Variants in PALLD observed in about 807,000 individuals in gnomAD.
PALLD encodes the protein palladin.
Under a neutral mutation model 123.5 loss-of-function variants are expected in PALLD, and 61 were observed. That is an observed-to-expected ratio of 0.49 (90% CI 0.40 to 0.61). The LOEUF is 0.61. Ranked by LOEUF, PALLD falls within the 20% of genes least tolerant of loss-of-function variation. The probability of loss-of-function intolerance (pLI) is 0.00; values close to 1 mark genes in which losing one functional copy is unlikely to be tolerated. For synonymous variants in PALLD, 465 were observed against 496.4 expected (o/e 0.94, Z 0.84); for missense variants, 1,273 against 1,377.0 (o/e 0.92, Z 1.20).
At chr4:168,882,894 A>T (rs1180253809) in intron 10 of PALLD, among the ~76,000 whole-genome samples, 3 of 152,164 alleles carry the variant, frequency 2.0e-5, no homozygotes, top group Non-Finnish European at 4.4e-5. Flanking sequence ...GATCGAGATC[A>T]TCCTGGCCAA....
chr4:168,500,547 T>TC (rs919907939), intron 1 of PALLD, among the ~76,000 whole-genome samples: 1 of 152,024 alleles, frequency 6.6e-6, no homozygotes, highest in Admixed American at 6.5e-5. Flanking sequence ...GGGTTTTTTT[T>TC]TGTATTTTTG....
chr4:168,562,887 A>AGC (rs2149581937), intron 2 of PALLD, among the ~76,000 whole-genome samples: 1 of 152,356 alleles, frequency 6.6e-6, no homozygotes, highest in African/African-American at 2.4e-5. Context: ...AGATGCCTGC[A>AGC]GCTCCATCGT....
At chr4:168,687,309 A>G (rs1391794516) in intron 6 of PALLD, among the ~76,000 whole-genome samples, 1 of 152,228 alleles carries the variant, frequency 6.6e-6, no homozygotes, top group Non-Finnish European at 1.5e-5. Context: ...TAGCTAGACT[A>G]CTAAAAAAGA....
Position 168,681,410 on chromosome 4 carries a change from C to T in PALLD, c.1154+12C>T. 6.5e-7 allele frequency: 1 copy of T among 1,532,800 alleles called. No homozygotes were observed. Among genetic ancestry groups the T allele is most frequent in the South Asian group, 1.1e-5 (1 of 89,518 alleles). 94.9% of individuals were successfully genotyped at this position (1,532,800 alleles called of 1,614,324 possible). Reference sequence around the variant, plus strand: ...GGAGCTATGCCACAGTAAGTGCCTACAATTCCATCGATTATGTGGAAACAA... The same window carrying T: ...GGAGCTATGCCACAGTAAGTGCCTATAATTCCATCGATTATGTGGAAACAA... On this transcript the variant is annotated intron_variant, in intron 4 of 21. Coordinates refer to ENST00000505667, the MANE Select transcript of PALLD (RefSeq NM_001166108.2).
At chr4:168,654,607 A>C (rs962247386) in intron 2 of PALLD, 2 of 152,244 alleles carry the variant, frequency 1.3e-5, no homozygotes, top group African/African-American at 4.8e-5. Flanking sequence ...ATTTGCTGTG[A>C]AAAACCAACT....
chr4:168,851,877 T>G (rs1172982995), intron 10 of PALLD, among the ~76,000 whole-genome samples: 3 of 152,194 alleles, frequency 2.0e-5, no homozygotes, highest in Non-Finnish European at 2.9e-5. Context: ...GGAAATGTGC[T>G]GCGATTTTCT....
intron 21 of PALLD, 84 bp downstream of exon 21, chr4:168,925,362 T>G: frequency 9.8e-7 from 1 of 1,016,300 alleles, no homozygotes; most frequent in South Asian, 1.3e-5. Context: ...GCTTCCTTAC[T>G]CAAGCATCCT....
Position 168,903,738 on chromosome 4 carries a change from T to A in PALLD, c.2473-19T>A. On this transcript the variant is annotated intron_variant, in intron 14 of 21. Transcript: ENST00000505667. ...GAATACACAAACTCCTAATCTTTAATCTTTGTTTCTATTCACAGATCTATT... is the reference window on the plus strand; with the variant it reads ...GAATACACAAACTCCTAATCTTTAAACTTTGTTTCTATTCACAGATCTATT... The A allele has an allele frequency of 6.2e-7, 1 of 1,600,556 alleles. No homozygotes were observed. The highest frequency in any genetic ancestry group is 8.6e-7 in the Non-Finnish European group (1 of 1,168,064).
At chr4:168,740,684 C>T (rs1561468555) in intron 10 of PALLD, among the ~76,000 whole-genome samples, 1 of 152,054 alleles carries the variant, frequency 6.6e-6, no homozygotes, top group Non-Finnish European at 1.5e-5. Context: ...TAAAAGAGTT[C>T]AAGAGTTTAA....
intron 17 of PALLD, among the ~76,000 whole-genome samples, chr4:168,916,749 C>T (rs1760200944): frequency 6.8e-6 from 1 of 147,314 alleles, no homozygotes; most frequent in Non-Finnish European, 1.5e-5. Context: ...GGTGCAATCT[C>T]GGCTCGCTGC....
At chr4:168,704,459 G>C (rs1455452334) in intron 8 of PALLD, among the ~76,000 whole-genome samples, 1 of 151,986 alleles carries the variant, frequency 6.6e-6, no homozygotes, top group Non-Finnish European at 1.5e-5. Context: ...ATCACGAGGT[G>C]AGGAGATCCA....
chr4:168,753,453 C>T (rs765869213), intron 10 of PALLD, among the ~76,000 whole-genome samples: 2 of 151,842 alleles, frequency 1.3e-5, no homozygotes, highest in Non-Finnish European at 2.9e-5. Flanking sequence ...AGAATGAACC[C>T]ATACCAACTC....
At chr4:168,891,156 C>A in intron 11 of PALLD, 99 bp downstream of exon 11, 1 of 1,140,062 alleles carries the variant, frequency 8.8e-7, no homozygotes, top group Non-Finnish European at 1.3e-6. Context: ...TCCACAACAT[C>A]ATCATTATTA....
intron 6 of PALLD, among the ~76,000 whole-genome samples, chr4:168,689,921 A>G (rs539346254): frequency 2.6e-5 from 4 of 152,324 alleles, no homozygotes; most frequent in Admixed American, 2.6e-4. Flanking sequence ...TATAAAACCA[A>G]ATTAATTTCT....
chr4:168,803,113 A>G (rs1391700746), intron 10 of PALLD, among the ~76,000 whole-genome samples: 3 of 152,228 alleles, frequency 2.0e-5, no homozygotes, highest in Non-Finnish European at 4.4e-5. Context: ...ACACTGCTAT[A>G]AAGAACTACC....
intron 10 of PALLD, among the ~76,000 whole-genome samples, chr4:168,792,233 C>A (rs1231726861): frequency 3.3e-5 from 5 of 152,028 alleles, no homozygotes; most frequent in African/African-American, 1.2e-4. Context: ...GCTTCCTTGT[C>A]ACACCTCATG....
At chr4:168,824,013 A>G (rs780383160) in intron 10 of PALLD, among the ~76,000 whole-genome samples, 34 of 152,236 alleles carry the variant, frequency 2.2e-4, no homozygotes, top group Non-Finnish European at 4.1e-4. Flanking sequence ...CCACAAATGA[A>G]GATGGAATAA....
intron 3 of PALLD, among the ~76,000 whole-genome samples, chr4:168,673,584 A>T (rs545035520): frequency 6.6e-6 from 1 of 152,190 alleles, no homozygotes; most frequent in African/African-American, 2.4e-5. Context: ...AAACTGATTC[A>T]TATTTTCTAA....
chr4:168,690,582 T>C, intron 6 of PALLD, 21 bp from the exon 7 acceptor site: 1 of 1,614,130 alleles, frequency 6.2e-7, no homozygotes, highest in Non-Finnish European at 8.5e-7. Flanking sequence ...GGGGTTTTCC[T>C]TGAATTTCCT....
Sources: gnomAD v4.1 joint callset for allele counts (sites outside exome capture counted in the v4.1 genomes callset) on GRCh38, gnomAD v4.1.1 for gene constraint, MANE v1.5 for transcripts, NCBI Gene and HGNC (gene_info 2026-07-23, HGNC 2026-07-21) for gene names.